The following CCNYL1 variants were observed in gnomAD, a reference collection of about 807,000 sequenced individuals.
CCNYL1 encodes cyclin-Y-like protein 1.
A neutral mutation model predicts 44.2 loss-of-function variants in CCNYL1; 16 were observed. The ratio of observed to expected loss-of-function variants is 0.36; its 90% CI spans 0.25 to 0.55. The LOEUF is 0.55. CCNYL1 is among the 20% of genes least tolerant of loss of function. The pLI, the probability that CCNYL1 is intolerant of heterozygous loss-of-function variation, is 0.85. For synonymous variants in CCNYL1, 159 were observed against 163.2 expected (o/e 0.97, Z 0.20); for missense variants, 348 against 451.8 (o/e 0.77, Z 2.08).
intron 5 of CCNYL1, among the ~76,000 whole-genome samples, chr2:207,739,061 G>A (rs1057182898): frequency 3.3e-5 from 5 of 152,056 alleles, no homozygotes; most frequent in Non-Finnish European, 5.9e-5. Context: ...ACTTTTGTTA[G>A]TATCACCACC....
At chr2:207,727,113 G>A (rs1177792116) in intron 3 of CCNYL1, among the ~76,000 whole-genome samples, 1 of 152,106 alleles carries the variant, frequency 6.6e-6, no homozygotes, top group Non-Finnish European at 1.5e-5. Context: ...TTTGGTTGTG[G>A]TATAAATATC....
At chr2:207,721,800 T>C (rs905240830) in intron 1 of CCNYL1, among the ~76,000 whole-genome samples, 7 of 151,414 alleles carry the variant, frequency 4.6e-5, no homozygotes, top group Non-Finnish European at 7.4e-5. Flanking sequence ...AGTGGCGCCA[T>C]CTCGGCTCAC....
chr2:207,723,835 A>G (rs1264291639), intron 1 of CCNYL1, among the ~76,000 whole-genome samples: 1 of 147,190 alleles, frequency 6.8e-6, no homozygotes, highest in African/African-American at 2.6e-5. Context: ...AGACCGTGCC[A>G]CTGCACTCCA....
chr2:207,740,468 G>A (rs2091799986), intron 5 of CCNYL1, among the ~76,000 whole-genome samples, 187 bp from the exon 6 acceptor site: 1 of 152,170 alleles, frequency 6.6e-6, no homozygotes, highest in Non-Finnish European at 1.5e-5. Flanking sequence ...CTCATATGCT[G>A]AGTAAAAAGA....
chr2:207,749,954 A>T (rs568424328), intron 8 of CCNYL1, among the ~76,000 whole-genome samples: 51 of 152,334 alleles, frequency 3.3e-4, no homozygotes, highest in African/African-American at 1.1e-3. Context: ...AACTCCTTAT[A>T]GGGATTACTG....
Position 207,728,276 on chromosome 2 carries a change from T to TA in CCNYL1, c.330+1400_330+1401insA, listed in dbSNP as rs1243758762. ...TGCACCTGGCCTTTTTTTTTTTTTT[T>TA]CTTTTTTTCTCTTTTTTGAGACAGG... is the stretch of plus-strand genomic sequence containing the variant. On this transcript the variant is annotated intron_variant, in intron 3 of 9. Coordinates refer to ENST00000295414, the MANE Select transcript of CCNYL1 (RefSeq NM_001330218.2). Among the ~76,000 whole-genome samples, 45 of 144,446 alleles carry TA rather than the reference T, an allele frequency of 3.1e-4. 1 individual carries two copies. The highest frequency in any genetic ancestry group is 6.1e-4 in the Non-Finnish European group (41 of 66,814). The allele number at this position is 144,446 out of a possible 152,430, so 94.8% of individuals were successfully genotyped here.
chr2:207,724,920 G>C, intron 2 of CCNYL1, 46 bp downstream of exon 2: 1 of 1,443,460 alleles, frequency 6.9e-7, no homozygotes, highest in Non-Finnish European at 9.6e-7. Context: ...ACTGAAAACT[G>C]TTTCTATTTT....
In CCNYL1 at chr2:207,740,688, G is replaced by A. The variant is rs2105835043; in HGVS notation, c.501G>A (p.Glu167=). ...ATAGATCCCTGGATATTTTTGATGA[G>A]AGATCACATCCACTTACAGTAAGTG... ...DANRSLDIFD[E]RSHPLTREKV... Residue 167 remains glutamate (E), a synonymous_variant, in exon 6 of 10, where the codon GAG becomes GAA. Transcript: ENST00000295414. 6.2e-7 allele frequency: 1 copy of A among 1,603,172 alleles called. No homozygotes were observed. Among genetic ancestry groups the A allele is most frequent in the Non-Finnish European group, 8.5e-7 (1 of 1,170,798 alleles).
chr2:207,752,184 A>T (rs939231208), intron 9 of CCNYL1, among the ~76,000 whole-genome samples: 3 of 152,148 alleles, frequency 2.0e-5, no homozygotes, highest in African/African-American at 7.2e-5. Context: ...TTTTTAGACA[A>T]AGGATTAGTG....
chr2:207,718,665 C>T (rs528913278), intron 1 of CCNYL1, among the ~76,000 whole-genome samples: 3 of 152,242 alleles, frequency 2.0e-5, no homozygotes, highest in Admixed American at 2.0e-4. Flanking sequence ...GGGAGAAGAT[C>T]CAAAAACTTG....
At chr2:207,717,694 C>T (rs773174847) in intron 1 of CCNYL1, among the ~76,000 whole-genome samples, 1 of 152,054 alleles carries the variant, frequency 6.6e-6, no homozygotes, top group Non-Finnish European at 1.5e-5. Flanking sequence ...CAGGGGTCCA[C>T]ACAGACAGTT....
chr2:207,742,943 A>G (rs560160125), intron 7 of CCNYL1, among the ~76,000 whole-genome samples: 1 of 152,352 alleles, frequency 6.6e-6, no homozygotes, highest in African/African-American at 2.4e-5. Flanking sequence ...TATGTCCTCC[A>G]TACAGAATTC....
intron 8 of CCNYL1, 91 bp from the exon 9 acceptor site, chr2:207,750,866 C>A: frequency 1.9e-6 from 2 of 1,062,496 alleles, no homozygotes; most frequent in Non-Finnish European, 2.8e-6. Context: ...GAGTTTAGAG[C>A]CATTCTAGTC....
intron 8 of CCNYL1, among the ~76,000 whole-genome samples, chr2:207,748,926 A>G (rs34092649): frequency 4.7e-4 from 71 of 152,354 alleles, no homozygotes; most frequent in East Asian, 4.6e-3. Context: ...AGTGACTTTG[A>G]TCACTGCTGT....
chr2:207,730,042 T>C (rs1047533337), intron 3 of CCNYL1, among the ~76,000 whole-genome samples: 2 of 152,184 alleles, frequency 1.3e-5, no homozygotes, highest in Non-Finnish European at 2.9e-5. Context: ...CTGTTCAGTT[T>C]CTTCAGAGAA....
chr2:207,739,003 A>G lies in CCNYL1; in HGVS notation c.467+1557A>G, dbSNP rs540558509. On this transcript the variant is annotated intron_variant, in intron 5 of 9. Transcript: ENST00000295414. ...CCAAAGTGCTAGGATTACAGGCGTG[A>G]GCCACCATACCCAGCCTGGTTCACA... Among the ~76,000 whole-genome samples, 8 of 152,108 alleles carry G rather than the reference A, an allele frequency of 5.3e-5. No individual in the cohort carries two copies. The South Asian group carries it at 1.2e-3, about 24-fold the overall frequency.
At chr2:207,733,699 A>G (rs1317718658) in intron 3 of CCNYL1, among the ~76,000 whole-genome samples, 1 of 152,350 alleles carries the variant, frequency 6.6e-6, no homozygotes, top group South Asian at 2.1e-4. Flanking sequence ...AATGCATAAC[A>G]GATGCTTGCC....
intron 7 of CCNYL1, 69 bp from the exon 8 acceptor site, chr2:207,746,978 A>G (rs2091859226): frequency 1.4e-5 from 17 of 1,197,718 alleles, no homozygotes; most frequent in South Asian, 3.3e-5. Flanking sequence ...TCCGTCTCAA[A>G]AAAAAAAAAA....
At chr2:207,737,369 T>C (rs772840511) in intron 4 of CCNYL1, 42 bp from the exon 5 acceptor site, 52 of 1,478,892 alleles carry the variant, frequency 3.5e-5, no homozygotes, top group Non-Finnish European at 4.8e-5. Context: ...CTAACAAATG[T>C]TTAAATCAGT....
Sources: gnomAD v4.1 joint callset for allele counts (sites outside exome capture counted in the v4.1 genomes callset) on GRCh38, gnomAD v4.1.1 for gene constraint, MANE v1.5 for transcripts, NCBI Gene and HGNC (gene_info 2026-07-23, HGNC 2026-07-21) for gene names.